The following PREP variants were observed in gnomAD, a reference collection of about 807,000 sequenced individuals.
PREP encodes prolyl endopeptidase, also known as dJ355L5.1 (prolyl endopeptidase).
A neutral mutation model predicts 87.6 loss-of-function variants in PREP; 29 were observed. The observed-to-expected ratio is 0.33, with a 90% CI of 0.25 to 0.45. PREP has a LOEUF of 0.45. Among genes scored for constraint, PREP ranks in the 20% least tolerant of loss-of-function variants. The pLI, the probability that PREP is intolerant of heterozygous loss-of-function variation, is 1.00. For missense variants in PREP, 695 were observed against 886.5 expected, an observed-to-expected ratio of 0.78 and a Z score of 2.74; for synonymous variants, 337 against 328.6, an observed-to-expected ratio of 1.03 and a Z score of -0.28.
In PREP at chr6:105,364,596, ATCCTGCCCTGTG is replaced by A. The variant is rs1387875102; in HGVS notation, c.717+4295_717+4306del. Among the ~76,000 whole-genome samples, 5 of 152,302 alleles carry A rather than the reference ATCCTGCCCTGTG, an allele frequency of 3.3e-5. No individual in the cohort carries two copies. In the East Asian group the frequency reaches 7.7e-4, roughly 23 times the overall value. ...CTCCACCCACACCCACAAAGCCCGC[ATCCTGCCCTGTG>A]TCCTGCTTCTCTCACACCCAGCAGC... On this transcript the variant is annotated intron_variant, in intron 6 of 14. Transcript: ENST00000652536.
At chr6:105,294,827 AT>A (rs1337284631) in intron 10 of PREP, among the ~76,000 whole-genome samples, 6 of 152,084 alleles carry the variant, frequency 3.9e-5, no homozygotes, top group Non-Finnish European at 7.4e-5. Context: ...ATCTGCTTTT[AT>A]TTTTTTAAAA....
At chr6:105,300,186 C>T (rs987629323) in intron 10 of PREP, among the ~76,000 whole-genome samples, 5 of 152,138 alleles carry the variant, frequency 3.3e-5, no homozygotes, top group African/African-American at 1.2e-4. Flanking sequence ...CGTGAGCCAC[C>T]GCGCCCAGAC....
chr6:105,295,169 T>A (rs1770382999), intron 10 of PREP, among the ~76,000 whole-genome samples: 2 of 151,710 alleles, frequency 1.3e-5, no homozygotes, highest in South Asian at 4.2e-4. Flanking sequence ...TTTTTTTTTT[T>A]TTTTATTTCT....
intron 8 of PREP, among the ~76,000 whole-genome samples, chr6:105,332,408 G>T (rs1374561429): frequency 6.6e-6 from 1 of 152,156 alleles, no homozygotes; most frequent in Non-Finnish European, 1.5e-5. Flanking sequence ...GGATCTGCCT[G>T]ACTCTAAGAC....
At chr6:105,370,302 CAA>C (rs71549435) in intron 5 of PREP, among the ~76,000 whole-genome samples, 17 of 78,016 alleles carry the variant, frequency 2.2e-4, no homozygotes, top group South Asian at 5.2e-4. Flanking sequence ...GACTCCATCT[CAA>C]AAAAAAAAAA....
chr6:105,355,546 T>C (rs1022162868), intron 6 of PREP, among the ~76,000 whole-genome samples: 1 of 152,240 alleles, frequency 6.6e-6, no homozygotes, highest in Non-Finnish European at 1.5e-5. Flanking sequence ...ATCTTTGGCT[T>C]TCTGAACGTT....
intron 6 of PREP, among the ~76,000 whole-genome samples, chr6:105,361,365 C>T (rs1032721061): frequency 5.3e-5 from 8 of 152,162 alleles, no homozygotes; most frequent in Admixed American, 3.9e-4. Context: ...TTTTATGCTA[C>T]AGCAACTACA....
chr6:105,357,047 T>C (rs576642336), intron 6 of PREP, among the ~76,000 whole-genome samples: 11 of 152,358 alleles, frequency 7.2e-5, no homozygotes, highest in African/African-American at 2.6e-4. Context: ...TTGGGAATTA[T>C]ACATTCTATT....
At chr6:105,336,953 T>C (rs1206597670) in intron 7 of PREP, among the ~76,000 whole-genome samples, 10 of 151,434 alleles carry the variant, frequency 6.6e-5, no homozygotes. Context: ...ACTGAATTTT[T>C]AATGTTAATA....
intron 11 of PREP, among the ~76,000 whole-genome samples, chr6:105,288,324 C>T (rs9500078): frequency 1.3e-5 from 2 of 152,054 alleles, no homozygotes; most frequent in Non-Finnish European, 2.9e-5. Context: ...TAATCCTGCC[C>T]GTCTATGAAA....
intron 6 of PREP, among the ~76,000 whole-genome samples, chr6:105,360,126 G>C (rs1355772328): frequency 3.3e-5 from 5 of 152,198 alleles, no homozygotes; most frequent in African/African-American, 1.2e-4. Flanking sequence ...CCTCAGGTCT[G>C]AATCAACTAG....
rs1417873796 is a variant in PREP, at chr6:105,277,201, C to CTATT, written c.*939_*942dup. Among the ~76,000 whole-genome samples the CTATT allele has an allele frequency of 7.0e-6, 1 of 142,746 alleles. No homozygotes were observed. The highest frequency in any genetic ancestry group is 2.0e-4 in the East Asian group (1 of 4,918). 93.6% of individuals were successfully genotyped at this position (142,746 alleles called of 152,430 possible). ...TTCCAGTAAGTAAGTATGACTATTT[C>CTATT]TATTTCCAGGAGTGATCTATGCAGG... On this transcript the variant is annotated 3_prime_UTR_variant, in exon 15 of 15. Transcript: ENST00000652536.
At chr6:105,299,067 C>T (rs1332337934) in intron 10 of PREP, among the ~76,000 whole-genome samples, 1 of 152,232 alleles carries the variant, frequency 6.6e-6, no homozygotes, top group Non-Finnish European at 1.5e-5. Flanking sequence ...GAAGCCCACA[C>T]TGATTCTTGA....
chr6:105,311,684 C>T (rs1452792954), intron 10 of PREP, among the ~76,000 whole-genome samples: 1 of 152,184 alleles, frequency 6.6e-6, no homozygotes, highest in Admixed American at 6.5e-5. Context: ...TGCTACATTC[C>T]CAGTGTTTAC....
chr6:105,351,298 T>C (rs1265525727), intron 7 of PREP, among the ~76,000 whole-genome samples: 1 of 152,190 alleles, frequency 6.6e-6, no homozygotes, highest in African/African-American at 2.4e-5. Flanking sequence ...TCTGAATGGA[T>C]CATGGCCATT....
chr6:105,396,018 C>T lies in PREP; in HGVS notation c.120+1835G>A, dbSNP rs117516915. Among the ~76,000 whole-genome samples, 807 of 152,282 alleles carry T rather than the reference C, an allele frequency of 5.3e-3. 26 individuals are homozygous for T. In the East Asian group the frequency reaches 0.081, roughly 15 times the overall value. ...TGGCAGGGATGAAGTGGGGAGGTAA[C>T]CCCACACCTGTTCTCTGTCCCCTCA... On this transcript the variant is annotated intron_variant, in intron 2 of 14. Transcript: ENST00000652536.
At chr6:105,365,313 T>A (rs549905858) in intron 6 of PREP, among the ~76,000 whole-genome samples, 1 of 152,230 alleles carries the variant, frequency 6.6e-6, no homozygotes, top group Admixed American at 6.5e-5. Flanking sequence ...TTCCAGTGAA[T>A]AGCCTGAGAG....
intron 6 of PREP, among the ~76,000 whole-genome samples, chr6:105,363,661 C>T (rs908618929): frequency 1.3e-5 from 2 of 152,136 alleles, no homozygotes; most frequent in East Asian, 3.9e-4. Context: ...ACATCCTGTA[C>T]CTCCAGAACA....
chr6:105,281,647 G>T, intron 14 of PREP, 99 bp downstream of exon 14: 1 of 1,406,222 alleles, frequency 7.1e-7, no homozygotes, highest in Non-Finnish European at 9.6e-7. Context: ...GCAAATGCAA[G>T]ACCCTGACAG....
Sources: allele counts gnomAD v4.1 joint callset (sites outside exome capture counted in the v4.1 genomes callset), GRCh38; gene constraint gnomAD v4.1.1; transcripts MANE v1.5; gene names NCBI Gene and HGNC (gene_info 2026-07-23, HGNC 2026-07-21).